Variants in MAMDC2 observed in about 807,000 individuals in gnomAD.
The protein encoded by MAMDC2 is MAM domain containing 2, also known as MAM domain-containing protein 2.
A neutral mutation model predicts 89.8 loss-of-function variants in MAMDC2; 57 were observed. That is an observed-to-expected ratio of 0.63 (90% confidence interval 0.51 to 0.79). The LOEUF is 0.79. Among genes scored for constraint, MAMDC2 ranks in the 30% least tolerant of loss-of-function variants. The probability of loss-of-function intolerance (pLI) is 0.00; values close to 1 mark genes in which losing one functional copy is unlikely to be tolerated. For missense variants in MAMDC2, 800 were observed against 820.6 expected (o/e 0.97, Z 0.31); for synonymous variants, 313 against 293.4 (o/e 1.07, Z -0.68).
intron 11 of MAMDC2, among the ~76,000 whole-genome samples, chr9:70,197,451 A>G (rs1262853661): frequency 6.6e-6 from 1 of 152,140 alleles, no homozygotes; most frequent in Non-Finnish European, 1.5e-5. Context: ...CAAATGAGGA[A>G]TTGGAAGAAC....
In MAMDC2 at chr9:70,143,695, C is replaced by A. The variant is rs1164028035; in HGVS notation, c.1280C>A (p.Thr427Asn). 1.2e-6 allele frequency: 2 copies of A among 1,614,140 alleles called. No individual in the cohort carries two copies. Among genetic ancestry groups the A allele is most frequent in the Middle Eastern group, 1.6e-4 (1 of 6,062 alleles). ...AIYGFLKMSD[T>N]LAVYIFEENH... ...TATGGATTTTTAAAAATGAGTGACA[C>A]CCTAGCAGTTTACATCTTTGAAGAG... The change falls in exon 9 of 14, where the codon ACC (threonine) becomes AAC (asparagine). Residue 427 changes from threonine (T) to asparagine (N), a missense_variant. Coordinates refer to ENST00000377182, the MANE Select transcript of MAMDC2 (RefSeq NM_153267.5).
At chr9:70,205,761 A>C (rs1009252319) in intron 11 of MAMDC2, among the ~76,000 whole-genome samples, 2 of 152,144 alleles carry the variant, frequency 1.3e-5, no homozygotes, top group South Asian at 2.1e-4. Context: ...GGAATCCTTC[A>C]TGTGCAACAA....
chr9:70,140,071 A>T, intron 7 of MAMDC2, 74 bp from the exon 8 acceptor site: 1 of 1,429,050 alleles, frequency 7.0e-7, no homozygotes, highest in Non-Finnish European at 9.2e-7. Context: ...GTATATATAA[A>T]TATCTGTCAA....
chr9:70,171,870 G>A (rs960661020), intron 11 of MAMDC2: 9 of 152,154 alleles, frequency 5.9e-5, no homozygotes, highest in Non-Finnish European at 1.0e-4. Flanking sequence ...AATGTTTTAA[G>A]AAAGTTTACA....
At chr9:70,049,061 T>C (rs1801636768) in intron 2 of MAMDC2, among the ~76,000 whole-genome samples, 1 of 152,194 alleles carries the variant, frequency 6.6e-6, no homozygotes, top group South Asian at 2.1e-4. Flanking sequence ...AAAGCACTTG[T>C]TGCAGAGAAG....
At chr9:70,093,052 T>A (rs1827940514) in intron 2 of MAMDC2, among the ~76,000 whole-genome samples, 1 of 152,124 alleles carries the variant, frequency 6.6e-6, no homozygotes, top group South Asian at 2.1e-4. Context: ...TGTGTACCCA[T>A]ACATACATAC....
intron 9 of MAMDC2, among the ~76,000 whole-genome samples, chr9:70,152,662 T>A (rs982378033): frequency 6.6e-6 from 1 of 151,962 alleles, no homozygotes; most frequent in Non-Finnish European, 1.5e-5. Context: ...CTGAAAAAAA[T>A]TTGGACTTTA....
At chr9:70,106,499 C>T (rs1339621363) in intron 2 of MAMDC2, among the ~76,000 whole-genome samples, 7 of 152,122 alleles carry the variant, frequency 4.6e-5, no homozygotes, top group African/African-American at 7.2e-5. Flanking sequence ...CCTCATGCCA[C>T]AAGAAGCAGC....
chr9:70,100,889 CTG>C (rs1828171146), intron 2 of MAMDC2, among the ~76,000 whole-genome samples: 1 of 152,230 alleles, frequency 6.6e-6, no homozygotes, highest in East Asian at 1.9e-4. Context: ...ACATTTCTCT[CTG>C]TCTCTGCAAT....
chr9:70,102,265 C>T (rs746519453), intron 2 of MAMDC2, among the ~76,000 whole-genome samples: 4 of 152,026 alleles, frequency 2.6e-5, no homozygotes, highest in Non-Finnish European at 5.9e-5. Context: ...GGTTTTAAAC[C>T]TAGGTTATAA....
At chr9:70,070,843 A>G (rs1387301554) in intron 2 of MAMDC2, among the ~76,000 whole-genome samples, 1 of 152,114 alleles carries the variant, frequency 6.6e-6, no homozygotes, top group African/African-American at 2.4e-5. Flanking sequence ...CCATTTCTAC[A>G]GTCAATTTTT....
intron 2 of MAMDC2, among the ~76,000 whole-genome samples, chr9:70,056,343 T>C (rs1827024457): frequency 6.6e-6 from 1 of 152,208 alleles, no homozygotes; most frequent in Admixed American, 6.5e-5. Flanking sequence ...ATAAGCTTTA[T>C]GGAAAGAAAC....
intron 2 of MAMDC2, among the ~76,000 whole-genome samples, chr9:70,095,011 G>A (rs1827990439): frequency 6.6e-6 from 1 of 152,186 alleles, no homozygotes; most frequent in African/African-American, 2.4e-5. Context: ...AGCTAAGAAG[G>A]AAGTGAGCAG....
intron 3 of MAMDC2, among the ~76,000 whole-genome samples, chr9:70,108,832 T>A (rs773844330): frequency 6.6e-6 from 1 of 152,204 alleles, no homozygotes; most frequent in Non-Finnish European, 1.5e-5. Flanking sequence ...GTGCTATGTG[T>A]TTGTTTATCT....
At chr9:70,058,229 GA>G (rs1425049653) in intron 2 of MAMDC2, among the ~76,000 whole-genome samples, 1 of 152,120 alleles carries the variant, frequency 6.6e-6, no homozygotes, top group Non-Finnish European at 1.5e-5. Flanking sequence ...CCCCTATGAA[GA>G]AAATGTTCTT....
Position 70,200,072 on chromosome 9 carries a change from A to C in MAMDC2, c.1652-18265A>C, listed in dbSNP as rs528788544. 3.9e-3 allele frequency among the ~76,000 whole-genome samples: 582 copies of C among 150,314 alleles called. 4 individuals carry two copies. The highest frequency in any genetic ancestry group is 0.012 in the African/African-American group (509 of 41,292). On this transcript the variant is annotated intron_variant, in intron 11 of 13. Coordinates refer to ENST00000377182, the MANE Select transcript of MAMDC2 (RefSeq NM_153267.5). ...TTAGTTTAATTAGATCCCATTTGTCAATTTTGGCTTTTGTTGCCATTGCTT... is the reference window on the plus strand; with the variant it reads ...TTAGTTTAATTAGATCCCATTTGTCCATTTTGGCTTTTGTTGCCATTGCTT...
intron 2 of MAMDC2, among the ~76,000 whole-genome samples, chr9:70,094,605 TAGG>T (rs1827982583): frequency 2.6e-5 from 4 of 152,180 alleles, no homozygotes; most frequent in South Asian, 4.1e-4. Flanking sequence ...TGAAACCTAA[TAGG>T]AGATTTCCAT....
intron 11 of MAMDC2, among the ~76,000 whole-genome samples, chr9:70,190,327 T>G (rs1429271447): frequency 6.6e-6 from 1 of 152,232 alleles, no homozygotes; most frequent in Non-Finnish European, 1.5e-5. Flanking sequence ...TCTATATTCT[T>G]TGTTGTGTAT....
chr9:70,090,696 T>A (rs1827878141), intron 2 of MAMDC2: 1 of 152,154 alleles, frequency 6.6e-6, no homozygotes, highest in African/African-American at 2.4e-5. Flanking sequence ...TGTGGGAACA[T>A]TTAGCCAAAG....
Sources: allele counts gnomAD v4.1 joint callset (sites outside exome capture counted in the v4.1 genomes callset), GRCh38; gene constraint gnomAD v4.1.1; transcripts MANE v1.5; gene names NCBI Gene and HGNC (gene_info 2026-07-23, HGNC 2026-07-21).